NMRAL1: variants seen among roughly 807,000 people sequenced by gnomAD.
NMRAL1 encodes NmrA like redox sensor 1.
In NMRAL1, 32 loss-of-function variants were observed where a neutral mutation model predicts 27.5. The ratio of observed to expected loss-of-function variants is 1.16; its 90% CI spans 0.88 to 1.56. The LOEUF is 1.56. NMRAL1 is among the 40% of genes most tolerant of loss of function. NMRAL1 has a pLI of 0.00. For synonymous variants in NMRAL1, 166 were observed against 166.8 expected (o/e 1.00, Z 0.04); for missense variants, 420 against 392.0 (o/e 1.07, Z -0.60).
intron 2 of NMRAL1, 84 bp from the exon 3 acceptor site, chr16:4,469,549 C>T (rs888905984): frequency 6.3e-7 from 1 of 1,577,658 alleles, no homozygotes; most frequent in Non-Finnish European, 8.6e-7. Context: ...AGTGCTCCAC[C>T]ACAGCAAGGA....
intron 4 of NMRAL1, among the ~76,000 whole-genome samples, chr16:4,465,016 T>C (rs933256148): frequency 1.3e-5 from 2 of 151,650 alleles, no homozygotes; most frequent in South Asian, 2.1e-4. Context: ...CAAGCGATTC[T>C]TCTGCCTCAG....
At chr16:4,469,501 T>C in intron 2 of NMRAL1, 36 bp from the exon 3 acceptor site, 2 of 1,603,730 alleles carry the variant, frequency 1.2e-6, no homozygotes, top group Non-Finnish European at 1.7e-6. Context: ...AGGTCAGACC[T>C]ACCTGAAAGT....
Position 4,461,759 on chromosome 16 carries a change from A to G in NMRAL1, c.*21T>C. On this transcript the variant is annotated 3_prime_UTR_variant, in exon 6 of 6. Coordinates refer to ENST00000283429, the MANE Select transcript of NMRAL1 (RefSeq NM_020677.6). ...CCCTCTGGTGCCCCCGATCCCCACA[A>G]GGGGCCGCGAGGCGGGCAGGTCACA... The G allele has an allele frequency of 6.3e-7, 1 of 1,594,058 alleles. No individual in the cohort carries two copies. Among genetic ancestry groups the G allele is most frequent in the South Asian group, 1.1e-5 (1 of 88,924 alleles).
At chr16:4,475,432 T>G (rs1177327506), upstream of NMRAL1, among the ~76,000 whole-genome samples, 10 of 151,394 alleles carry the variant, frequency 6.6e-5, no homozygotes, top group Non-Finnish European at 1.3e-4. Flanking sequence ...CTCAGTTTCC[T>G]GAGTAGCTGG....
chr16:4,465,056 C>A (rs1447649476), intron 4 of NMRAL1, among the ~76,000 whole-genome samples: 1 of 151,886 alleles, frequency 6.6e-6, no homozygotes, highest in Non-Finnish European at 1.5e-5. Context: ...TACAGGCGTG[C>A]ACCACCACGC....
chr16:4,468,445 G>A (rs557135966), intron 3 of NMRAL1, among the ~76,000 whole-genome samples: 129 of 152,042 alleles, frequency 8.5e-4, no homozygotes, highest in African/African-American at 2.3e-3. Flanking sequence ...GTGAAACCCC[G>A]CCTCTACTAA....
chr16:4,466,165 T>A lies in NMRAL1; in HGVS notation c.517A>T (p.Ser173Cys), dbSNP rs2057317123. The A allele has an allele frequency of 6.2e-7, 1 of 1,614,020 alleles. No individual in the cohort carries two copies. ...FLPQKAPDGKSYLLSLPTGDV... is the reference protein window; with the variant it reads ...FLPQKAPDGKCYLLSLPTGDV... ...AAAGGGCACTTACTCAGCAAGTAGC[T>A]CTTTCCGTCTGGGGCTTTCTGGGGC... Residue 173 changes from serine (S) to cysteine (C), a missense_variant, in exon 4 of 6, where the codon AGC becomes TGC. Transcript: ENST00000283429.
chr16:4,475,223 G>A (rs1201913207), upstream of NMRAL1, among the ~76,000 whole-genome samples: 1 of 152,094 alleles, frequency 6.6e-6, no homozygotes, highest in African/African-American at 2.4e-5. Flanking sequence ...AAAGTGCTGG[G>A]AGTACAGGTG....
At position 4,463,729 on chromosome 16, in the gene NMRAL1, G is replaced by A. The variant is rs763168428; in HGVS notation, c.651C>T (p.Cys217=). 3.1e-6 allele frequency: 5 copies of A among 1,614,054 alleles called. No individual in the cohort carries two copies. The highest frequency in any genetic ancestry group is 1.7e-5 in the Admixed American group (1 of 60,016). ...CAGCGTACTCCTCGGCCGTGTGCCT[G>A]CAAGTGCTCAGCCCGATGTTCTGGC... ...YVGQNIGLST[C]RHTAEEYAAL... Residue 217 remains cysteine (C), a synonymous_variant, in exon 5 of 6, where the codon TGC becomes TGT. Coordinates refer to ENST00000283429, the MANE Select transcript of NMRAL1 (RefSeq NM_020677.6).
chr16:4,473,943 A>C, intron 2 of NMRAL1, 150 bp downstream of exon 2: 1 of 592,392 alleles, frequency 1.7e-6, no homozygotes, highest in South Asian at 2.1e-5. Flanking sequence ...AAAAATTGGA[A>C]AGCAATTTGG....
intron 2 of NMRAL1, among the ~76,000 whole-genome samples, chr16:4,473,031 A>G (rs956013409): frequency 1.0e-4 from 15 of 143,062 alleles, no homozygotes; most frequent in Admixed American, 1.0e-3. Flanking sequence ...GCTGGAGTGC[A>G]GTGGCACAAT....
At chr16:4,463,074 CAA>C (rs2057170611) in intron 5 of NMRAL1, among the ~76,000 whole-genome samples, 2 of 152,010 alleles carry the variant, frequency 1.3e-5, no homozygotes, top group Non-Finnish European at 2.9e-5. Flanking sequence ...AGGCTGGTCT[CAA>C]ACTCCTGACC....
chr16:4,469,455 A>T lies in NMRAL1; in HGVS notation c.51T>A (p.Gly17=). 6.2e-7 allele frequency: 1 copy of T among 1,613,554 alleles called. No homozygotes were observed. Among genetic ancestry groups the T allele is most frequent in the Non-Finnish European group, 8.5e-7 (1 of 1,179,652 alleles). ...CCAGGAGTGTGCGGGCCACGGAGCC[A>T]CCCTGGGCACCTACAAAGAATCAAA... ...VVVFGGTGAQ[G]GSVARTLLED... The change falls in exon 3 of 6, where the codon GGT becomes GGA. Residue 17 remains glycine, a synonymous_variant. Coordinates refer to ENST00000283429, the MANE Select transcript of NMRAL1 (RefSeq NM_020677.6).
intron 3 of NMRAL1, chr16:4,466,692 G>A (rs1456848849): frequency 9.2e-6 from 4 of 433,610 alleles, no homozygotes; most frequent in Non-Finnish European, 1.7e-5. Flanking sequence ...AGGTCTAAAG[G>A]AGAATGCACA....
Position 4,469,354 on chromosome 16 carries a change from C to T in NMRAL1, c.152G>A (p.Gly51Asp), listed in dbSNP as rs928683832. ...TTGGTCTCCCTGCACTACTTCTGCA[C>T]CTTGCAGCCTCAGCTCCTTTGCTGC... Reference protein sequence around the residue: ...KKAAKELRLQGAEVVQGDQDD... With the variant: ...KKAAKELRLQDAEVVQGDQDD... Residue 51 changes from glycine (G) to aspartate (D), a missense_variant, in exon 3 of 6, where the codon GGT becomes GAT. Transcript: ENST00000283429. 1 of 1,614,134 alleles carries T rather than the reference C, an allele frequency of 6.2e-7. No homozygotes were observed. The highest frequency in any genetic ancestry group is 8.5e-7 in the Non-Finnish European group (1 of 1,179,970).
chr16:4,472,970 G>GT (rs2057639227), intron 2 of NMRAL1, among the ~76,000 whole-genome samples: 2 of 144,326 alleles, frequency 1.4e-5, no homozygotes, highest in Admixed American at 6.9e-5. Context: ...GGTTCATGGA[G>GT]TTCTTTTTTT....
At chr16:4,470,105 T>C (rs1264705234) in intron 2 of NMRAL1, among the ~76,000 whole-genome samples, 2 of 134,826 alleles carry the variant, frequency 1.5e-5, no homozygotes, top group African/African-American at 2.8e-5. Flanking sequence ...GAGGTTGCAG[T>C]GAGCCCAGAT....
chr16:4,471,256 C>T (rs964039668), intron 2 of NMRAL1: 1 of 152,120 alleles, frequency 6.6e-6, no homozygotes, highest in Non-Finnish European at 1.5e-5. Context: ...AATACAAAAA[C>T]TTATTCAGAT....
At chr16:4,463,457 T>C in intron 5 of NMRAL1, 3 of 554,390 alleles carry the variant, frequency 5.4e-6, no homozygotes, top group South Asian at 2.5e-5. Context: ...GAAGCTTTTC[T>C]CTCTATTTGG....
Sources: gnomAD v4.1 joint callset for allele counts (sites outside exome capture counted in the v4.1 genomes callset) on GRCh38, gnomAD v4.1.1 for gene constraint, MANE v1.5 for transcripts, NCBI Gene and HGNC (gene_info 2026-07-23, HGNC 2026-07-21) for gene names.